The following CFAP73 variants were observed in gnomAD, a reference collection of about 807,000 sequenced individuals.
The protein encoded by CFAP73 is cilia- and flagella-associated protein 73.
CFAP73 carries 33 observed loss-of-function variants against 42.9 expected under a neutral mutation model. The ratio of observed to expected loss-of-function variants is 0.77; its 90% CI spans 0.58 to 1.03. CFAP73 has a LOEUF of 1.03. CFAP73 is among the 50% of genes least tolerant of loss of function. The pLI, the probability that CFAP73 is intolerant of heterozygous loss-of-function variation, is 0.00. For missense variants in CFAP73, 392 were observed against 411.9 expected, an observed-to-expected ratio of 0.95 and a Z score of 0.42; for synonymous variants, 162 against 186.8, an observed-to-expected ratio of 0.87 and a Z score of 1.08.
chr12:113,157,377 AG>A (rs745657114), intron 6 of CFAP73: 21 of 580,964 alleles, frequency 3.6e-5, no homozygotes, highest in Non-Finnish European at 6.2e-5. Context: ...GAAGCTGTGA[AG>A]GTGTCTGCTC....
Position 113,154,607 on chromosome 12 carries a change from A to G in CFAP73, c.662A>G (p.Glu221Gly). 7.1e-7 allele frequency: 1 copy of G among 1,415,262 alleles called. No individual in the cohort carries two copies. The highest frequency in any genetic ancestry group is 9.1e-7 in the Non-Finnish European group (1 of 1,096,156). 87.7% of individuals were successfully genotyped at this position (1,415,262 alleles called of 1,614,324 possible). A position where few individuals can be genotyped will look rare whatever the true frequency, so the allele number is the denominator to read the frequency against. Residue 221 changes from glutamate (E) to glycine (G), a missense_variant, in exon 5 of 8, where the codon GAG becomes GGG. Glu to Gly is a moderately conservative substitution (Grantham distance 98, BLOSUM62 -2). Coordinates refer to ENST00000335621, the MANE Select transcript of CFAP73 (RefSeq NM_001144872.3). This position sits in a 1 kb window ranked among gnomAD's most constrained non-coding sequence, Gnocchi z 4.7. The part of the protein sequence containing the change: ...QRRAQLQERL[E>G]AARERTLQWE... ...CGGGCACAGCTGCAGGAGCGCCTGG[A>G]GGCTGCCAGGGAGCGTACGCTGCAG...
chr12:113,155,703 C>G (rs1045185961), intron 6 of CFAP73, among the ~76,000 whole-genome samples: 1 of 152,140 alleles, frequency 6.6e-6, no homozygotes, highest in South Asian at 2.1e-4. Context: ...GTCTCAATGC[C>G]CTCCCTCTAC....
Position 113,154,339 on chromosome 12 carries a change from G to GGC in CFAP73, c.469-75_469-74insGC. On this transcript the variant is annotated intron_variant, in intron 4 of 7. Coordinates refer to ENST00000335621, the MANE Select transcript of CFAP73 (RefSeq NM_001144872.3). This position sits in a 1 kb window ranked among gnomAD's most constrained non-coding sequence, Gnocchi z 4.7. ...AAAGATTATTCCAATAATAAGGAAC[G>GGC]CTGGCGGCCAGGTGGGATGGAGAGG... The GGC allele has an allele frequency of 6.8e-7, 1 of 1,475,082 alleles. No individual in the cohort carries two copies. The highest frequency in any genetic ancestry group is 1.2e-5 in the South Asian group (1 of 81,810). 91.4% of individuals were successfully genotyped at this position (1,475,082 alleles called of 1,614,324 possible). A position where few individuals can be genotyped will look rare whatever the true frequency, so the allele number is the denominator to read the frequency against.
At chr12:113,157,439 T>C (rs1479860057) in intron 6 of CFAP73, 163 bp from the exon 7 acceptor site, 2 of 634,622 alleles carry the variant, frequency 3.2e-6, no homozygotes, top group African/African-American at 1.8e-5. Context: ...CAGAACGGTT[T>C]AGGATCTCAG....
In CFAP73 at chr12:113,154,009, G is replaced by T. The variant is rs545410327; in HGVS notation, c.469-405G>T. 2.3e-4 allele frequency among the ~76,000 whole-genome samples: 35 copies of T among 152,256 alleles called. No homozygotes were observed. Among genetic ancestry groups the T allele is most frequent in the African/African-American group, 8.2e-4 (34 of 41,568 alleles). On this transcript the variant is annotated intron_variant, in intron 4 of 7. Transcript: ENST00000335621. The surrounding 1 kb of genome is among the most constrained non-coding windows in gnomAD (Gnocchi z 4.7). ...AGATTCAGAAAGCTAACTCTGGCCGGGCGCGGTGGCTCACGCCTGTAATCC... is the reference window on the plus strand; with the variant it reads ...AGATTCAGAAAGCTAACTCTGGCCGTGCGCGGTGGCTCACGCCTGTAATCC...
rs1952047288 is a variant in CFAP73 at position 113,149,913 on chromosome 12, C to CA, written c.56_56+1insA (p.Leu21AlafsTer6). 1 of 1,551,080 alleles carries CA rather than the reference C, an allele frequency of 6.4e-7. No individual in the cohort carries two copies. Among genetic ancestry groups the CA allele is most frequent in the East Asian group, 2.4e-5 (1 of 40,904 alleles). On this transcript the variant is annotated frameshift_variant and splice_region_variant. Transcript: ENST00000335621. LOFTEE classifies it high-confidence loss of function. ...CTGGCTTTGCAAGAGAAACTGTCTACGTGAGTGGGACGTAGAGGGAGGGAG... is the reference window on the plus strand; with the variant it reads ...CTGGCTTTGCAAGAGAAACTGTCTACAGTGAGTGGGACGTAGAGGGAGGGAG...
intron 6 of CFAP73, chr12:113,157,389 A>C (rs1408150530): frequency 1.7e-6 from 1 of 586,990 alleles, no homozygotes. Flanking sequence ...GTGTCTGCTC[A>C]CGCAGCAGTT....
intron 5 of CFAP73, 22 bp from the exon 6 acceptor site, chr12:113,155,238 G>A: frequency 1.3e-6 from 2 of 1,510,174 alleles, no homozygotes; most frequent in Non-Finnish European, 1.8e-6. Flanking sequence ...CCATAATTGG[G>A]AGTGGGGCGG....
chr12:113,155,212 C>T (rs1222071535), intron 5 of CFAP73, 48 bp from the exon 6 acceptor site: 4 of 1,454,180 alleles, frequency 2.8e-6, no homozygotes, highest in Admixed American at 2.6e-5. Flanking sequence ...GGGGGCAGCC[C>T]GCCTTGGCCC....
In CFAP73 at chr12:113,154,748, C is replaced by G. The variant is rs77610415; in HGVS notation, c.690+113C>G. On this transcript the variant is annotated intron_variant, in intron 5 of 7. Transcript: ENST00000335621. The surrounding 1 kb of genome is among the most constrained non-coding windows in gnomAD (Gnocchi z 4.7). The stretch of plus-strand genomic sequence containing the variant: ...GGGGCAATGCTTACCCCAGAGGGTC[C>G]GCTGCACTAAGGAGGGGAATCTCAG... The G allele has an allele frequency of 0.022, 29,442 of 1,344,914 alleles. 392 individuals are homozygous for G. The highest frequency in any genetic ancestry group is 0.04 in the Middle Eastern group (143 of 3,598). The allele number at this position is 1,344,914 out of a possible 1,614,324, so 83.3% of individuals were successfully genotyped here.
At chr12:113,156,880 ACT>A (rs1952134256) in intron 6 of CFAP73, 1 of 151,868 alleles carries the variant, frequency 6.6e-6, no homozygotes, top group Admixed American at 6.6e-5. Context: ...TTCAAAATCA[ACT>A]CTCTGCCCGT....
chr12:113,150,017 A>C, intron 1 of CFAP73, 104 bp downstream of exon 1: 19 of 1,113,216 alleles, frequency 1.7e-5, no homozygotes, highest in East Asian at 2.6e-5. Context: ...TGGGCAGATC[A>C]TAGTGGGGGT....
chr12:113,158,954 G>T lies in CFAP73; in HGVS notation c.*265G>T. ...GCGCCCTGCTGCAGCTCCTGGACGC[G>T]GCGGCGGTTGCGGGCAGAGAGCTGC... On this transcript the variant is annotated 3_prime_UTR_variant, in exon 8 of 8. Transcript: ENST00000335621. The surrounding 1 kb of genome is among the most constrained non-coding windows in gnomAD (Gnocchi z 4.9). The T allele has an allele frequency of 1.2e-6, 2 of 1,611,510 alleles. No individual in the cohort carries two copies. The highest frequency in any genetic ancestry group is 1.7e-6 in the Non-Finnish European group (2 of 1,178,950).
intron 6 of CFAP73, 25 bp downstream of exon 6, chr12:113,155,443 T>C: frequency 6.6e-7 from 1 of 1,522,100 alleles, no homozygotes; most frequent in East Asian, 2.5e-5. Flanking sequence ...TTATGGCACC[T>C]CCAGCCCCCA....
At position 113,149,780 on chromosome 12, in the gene CFAP73, C is replaced by A; in HGVS notation, c.-78C>A. On this transcript the variant is annotated 5_prime_UTR_variant, in exon 1 of 8. Transcript: ENST00000335621. ...GCTGAGCAGGCTTCCACACCACGCTCCACAGAACCCCCAGGGTCTCCTAAG... is the reference window on the plus strand; with the variant it reads ...GCTGAGCAGGCTTCCACACCACGCTACACAGAACCCCCAGGGTCTCCTAAG... 1 of 1,461,326 alleles carries A rather than the reference C, an allele frequency of 6.8e-7. No individual in the cohort carries two copies. The highest frequency in any genetic ancestry group is 1.2e-5 in the South Asian group (1 of 81,174). The allele number at this position is 1,461,326 out of a possible 1,614,324, so 90.5% of individuals were successfully genotyped here. A position where few individuals can be genotyped will look rare whatever the true frequency, so the allele number is the denominator to read the frequency against.
chr12:113,153,150 G>C, intron 3 of CFAP73, 58 bp from the exon 4 acceptor site: 1 of 1,420,778 alleles, frequency 7.0e-7, no homozygotes. Flanking sequence ...TGGAGGTGCC[G>C]AACTCCCCGC....
chr12:113,155,392 G>A lies in CFAP73; in HGVS notation c.823G>A (p.Glu275Lys), dbSNP rs771789319. ...GGGGCAGCCTCCCACCCTGGACATC[G>A]AGGACACGGAGGGACAGCTAGAGCA... Reference protein sequence around the residue: ...HQGQPPTLDIEDTEGQLEHVK... With the variant: ...HQGQPPTLDIKDTEGQLEHVK... The change falls in exon 6 of 8, where the codon GAG becomes AAG. Residue 275 changes from glutamate to lysine, a missense_variant. Transcript: ENST00000335621. The A allele has an allele frequency of 5.9e-4, 918 of 1,550,788 alleles. 2 individuals carry two copies. The highest frequency in any genetic ancestry group is 7.6e-4 in the Non-Finnish European group (872 of 1,146,348).
Position 113,149,826 on chromosome 12 carries a change from G to A in CFAP73, c.-32G>A, listed in dbSNP as rs781140944. ...CTAAGCTTGTGCAAAACTCCAGCTG[G>A]TGGAAAGAAAGCTGGGGCAACTGCC... On this transcript the variant is annotated 5_prime_UTR_variant, in exon 1 of 8. The change creates a new upstream start codon in the 5' untranslated region. Coordinates refer to ENST00000335621, the MANE Select transcript of CFAP73 (RefSeq NM_001144872.3). 5.5e-5 allele frequency: 85 copies of A among 1,550,388 alleles called. No homozygotes were observed. Among genetic ancestry groups the A allele is most frequent in the Non-Finnish European group, 7.0e-5 (80 of 1,146,048 alleles).
At chr12:113,155,867 C>T (rs1174850354) in intron 6 of CFAP73, among the ~76,000 whole-genome samples, 1 of 151,972 alleles carries the variant, frequency 6.6e-6, no homozygotes, top group Admixed American at 6.6e-5. Context: ...GAGGCCTCAG[C>T]TTCCGCAGGG....
Sources: gnomAD v4.1 joint callset for allele counts (sites outside exome capture counted in the v4.1 genomes callset) on GRCh38, gnomAD v4.1.1 for gene constraint, Gnocchi (gnomAD v3.1) non-coding constraint, MANE v1.5 for transcripts, NCBI Gene and HGNC (gene_info 2026-07-23, HGNC 2026-07-21) for gene names.